USP20: variants seen among roughly 807,000 people sequenced by gnomAD.
USP20 encodes ubiquitin specific peptidase 20.
Under a neutral mutation model 124.2 loss-of-function variants are expected in USP20, and 80 were observed. That is an observed-to-expected ratio of 0.64 (90% CI 0.54 to 0.78). The LOEUF is 0.78. USP20 is among the 30% of genes least tolerant of loss of function. The pLI is 0.00. For missense variants in USP20, 1,043 were observed against 1,244.4 expected (o/e 0.84, Z 2.44); for synonymous variants, 481 against 512.3 (o/e 0.94, Z 0.83).
At chr9:129,843,257 T>G (rs545285947) in intron 1 of USP20, among the ~76,000 whole-genome samples, 196 of 152,010 alleles carry the variant, frequency 1.3e-3, no homozygotes, top group African/African-American at 4.5e-3. Context: ...TGGTGAAACC[T>G]CGTCTCTACT....
chr9:129,864,601 C>T lies in USP20; in HGVS notation c.612-702C>T, dbSNP rs577783723. 2.5e-4 allele frequency among the ~76,000 whole-genome samples: 38 copies of T among 151,992 alleles called. 2 individuals carry two copies. In the South Asian group the frequency reaches 7.5e-3, roughly 30 times the overall value. On this transcript the variant is annotated intron_variant, in intron 9 of 25. Transcript: ENST00000372429. ...CCAGCCTGGCCAATGTGGTGAAACCCCGTCTCTACTAAAAATACAAAAATT... is the reference window on the plus strand; with the variant it reads ...CCAGCCTGGCCAATGTGGTGAAACCTCGTCTCTACTAAAAATACAAAAATT...
chr9:129,858,693 G>GT (rs1424584244), intron 6 of USP20, 95 bp downstream of exon 6: 2 of 1,527,336 alleles, frequency 1.3e-6, no homozygotes, highest in African/African-American at 2.8e-5. Context: ...GGGGCAGTAG[G>GT]TCCCAGAGGT....
intron 1 of USP20, among the ~76,000 whole-genome samples, chr9:129,836,439 G>A (rs576375405): frequency 6.6e-6 from 1 of 152,296 alleles, no homozygotes; most frequent in East Asian, 1.9e-4. Context: ...CTAGGAGGTG[G>A]AACAGGAATT....
At chr9:129,873,857 GC>G in intron 17 of USP20, 113 bp downstream of exon 17, 2 of 1,316,886 alleles carry the variant, frequency 1.5e-6, no homozygotes, top group Non-Finnish European at 2.1e-6. Flanking sequence ...TGCTGCAGGG[GC>G]CGTGGAGACT....
intron 3 of USP20, among the ~76,000 whole-genome samples, chr9:129,853,243 C>T (rs2033028994): frequency 6.6e-6 from 1 of 151,954 alleles, no homozygotes; most frequent in Non-Finnish European, 1.5e-5. Context: ...AAGTTTTGCC[C>T]TTTCTTACAT....
intron 4 of USP20, among the ~76,000 whole-genome samples, chr9:129,857,393 T>C (rs1456845094): frequency 6.6e-6 from 1 of 152,232 alleles, no homozygotes; most frequent in African/African-American, 2.4e-5. Flanking sequence ...CAGAAGGCCC[T>C]GCTGATCACA....
chr9:129,870,224 C>A, intron 14 of USP20: 1 of 583,636 alleles, frequency 1.7e-6, no homozygotes, highest in East Asian at 2.9e-5. Flanking sequence ...TGATCATGGC[C>A]GCAACACAGA....
intron 8 of USP20, among the ~76,000 whole-genome samples, chr9:129,862,477 C>T (rs573241221): frequency 2.0e-5 from 3 of 146,792 alleles, no homozygotes; most frequent in South Asian, 2.2e-4. Context: ...CGCTTGAACC[C>T]GGGAGGCGGA....
In USP20 at chr9:129,839,423, A is replaced by G. The variant is rs111564158; in HGVS notation, c.-129+3924A>G. ...GCAGAGACTGTGGAAGTGTGGAGGCATGGGGAGGCCTGAGGGCTCTGCTTC... is the reference window on the plus strand; with the variant it reads ...GCAGAGACTGTGGAAGTGTGGAGGCGTGGGGAGGCCTGAGGGCTCTGCTTC... On this transcript the variant is annotated intron_variant, in intron 1 of 25. Transcript: ENST00000372429. This position sits in a 1 kb window ranked among gnomAD's most constrained non-coding sequence, Gnocchi z 4.5. Among the ~76,000 whole-genome samples the G allele has an allele frequency of 6.6e-6, 1 of 152,128 alleles. No homozygotes were observed. The highest frequency in any genetic ancestry group is 1.5e-5 in the Non-Finnish European group (1 of 68,020).
chr9:129,880,401 C>G, intron 25 of USP20, 66 bp from the exon 26 acceptor site: 1 of 1,298,172 alleles, frequency 7.7e-7, no homozygotes, highest in Non-Finnish European at 1.0e-6. Context: ...AAAGCACCTT[C>G]CTGGAGGATG....
At chr9:129,867,723 G>A (rs756709909) in intron 10 of USP20, among the ~76,000 whole-genome samples, 15 of 152,144 alleles carry the variant, frequency 9.9e-5, no homozygotes, top group Admixed American at 2.0e-4. Context: ...AGCCGGAGCC[G>A]GGGAGTTGCA....
intron 17 of USP20, among the ~76,000 whole-genome samples, chr9:129,874,133 G>A (rs4322100): frequency 0.94 from 143,019 of 152,096 alleles, 67,591 homozygotes; most frequent in Non-Finnish European, 0.98. Flanking sequence ...CGTCTGAGTG[G>A]GGCCTGGAGG....
At chr9:129,843,040 T>C (rs2032321174) in intron 1 of USP20, among the ~76,000 whole-genome samples, 2 of 152,150 alleles carry the variant, frequency 1.3e-5, no homozygotes, top group Non-Finnish European at 2.9e-5. Context: ...GATAGGCAGA[T>C]AAATGTATAT....
rs769963106 is a variant in USP20 at position 129,869,782 on chromosome 9, C to T, written c.1503C>T (p.Gly501=). The T allele has an allele frequency of 2.1e-5, 34 of 1,613,938 alleles. No homozygotes were observed. Among genetic ancestry groups the T allele is most frequent in the East Asian group, 8.9e-5 (4 of 44,898 alleles). The change falls in exon 14 of 26, where the codon GGC becomes GGT. Residue 501 remains glycine (G), a synonymous_variant. Coordinates refer to ENST00000372429, the MANE Select transcript of USP20 (RefSeq NM_001110303.4). ...ACCAGAATGTGCCGGCCAAGCCAGG[C>T]GCCTGTGGGGACAGCTATGCCGCCC... ...AIYQNVPAKP[G]ACGDSYAAQG...
chr9:129,863,605 G>C (rs1301143478), intron 9 of USP20, among the ~76,000 whole-genome samples: 1 of 152,224 alleles, frequency 6.6e-6, no homozygotes, highest in African/African-American at 2.4e-5. Flanking sequence ...TTTGCCAAGA[G>C]ACATGGTGAC....
intron 22 of USP20, 98 bp from the exon 23 acceptor site, chr9:129,878,240 G>A: frequency 1.1e-6 from 1 of 947,410 alleles, no homozygotes; most frequent in Non-Finnish European, 1.7e-6. Context: ...AAGACTCTTG[G>A]GTGAGGGACT....
intron 9 of USP20, 139 bp from the exon 10 acceptor site, chr9:129,865,164 T>C: frequency 1.3e-6 from 1 of 783,358 alleles, no homozygotes; most frequent in South Asian, 1.6e-5. Flanking sequence ...CTCTTGGGGC[T>C]CCTGGCTGAG....
intron 10 of USP20, among the ~76,000 whole-genome samples, chr9:129,867,127 G>A (rs1315022486): frequency 2.6e-5 from 4 of 152,126 alleles, no homozygotes; most frequent in Non-Finnish European, 4.4e-5. Flanking sequence ...GGACTGCTGG[G>A]GCTGATTTGG....
At chr9:129,852,128 T>A in intron 2 of USP20, among the ~76,000 whole-genome samples, 1 of 152,220 alleles carries the variant, frequency 6.6e-6, no homozygotes, top group Admixed American at 6.5e-5. Flanking sequence ...TGCCGCCTTC[T>A]CTGCCTGTAT....
Sources: allele counts gnomAD v4.1 joint callset (sites outside exome capture counted in the v4.1 genomes callset), GRCh38; gene constraint gnomAD v4.1.1; non-coding constraint Gnocchi (gnomAD v3.1); transcripts MANE v1.5; gene names NCBI Gene and HGNC (gene_info 2026-07-23, HGNC 2026-07-21).